XRN2: variants seen among roughly 807,000 people sequenced by gnomAD.
XRN2 encodes the protein 5'-3' exoribonuclease 2, also known as DHM1-like protein.
Under a neutral mutation model 138.5 loss-of-function variants are expected in XRN2, and 44 were observed. The observed-to-expected ratio is 0.32, with a 90% CI of 0.25 to 0.41. The LOEUF (loss-of-function observed/expected upper bound fraction) is 0.41. Among genes scored for constraint, XRN2 ranks in the 10% least tolerant of loss-of-function variants. The probability of loss-of-function intolerance (pLI) is 1.00; values close to 1 mark genes in which losing one functional copy is unlikely to be tolerated. For missense variants in XRN2, 937 were observed against 1,169.3 expected, an observed-to-expected ratio of 0.80 and a Z score of 2.90; for synonymous variants, 354 against 369.4, an observed-to-expected ratio of 0.96 and a Z score of 0.48.
At chr20:21,317,873 T>A (rs2037981855) in intron 1 of XRN2, among the ~76,000 whole-genome samples, 1 of 152,218 alleles carries the variant, frequency 6.6e-6, no homozygotes, top group Non-Finnish European at 1.5e-5. Flanking sequence ...GATTTTTGCA[T>A]CCATGCTCAT....
At chr20:21,330,769 T>A in intron 6 of XRN2, 64 bp downstream of exon 6, 1 of 1,424,008 alleles carries the variant, frequency 7.0e-7, no homozygotes, top group Non-Finnish European at 9.8e-7. Flanking sequence ...TACTTTGATA[T>A]GACTGACATT....
intron 22 of XRN2, among the ~76,000 whole-genome samples, 196 bp from the exon 23 acceptor site, chr20:21,356,390 A>G (rs890682137): frequency 6.6e-6 from 1 of 152,178 alleles, no homozygotes; most frequent in Non-Finnish European, 1.5e-5. Flanking sequence ...TAAATAATGT[A>G]TCAGAATTTC....
chr20:21,382,112 G>A, intron 28 of XRN2, 55 bp downstream of exon 28: 2 of 1,462,068 alleles, frequency 1.4e-6, no homozygotes, highest in South Asian at 1.3e-5. Flanking sequence ...AACATTTGGG[G>A]TTTATGGTTT....
chr20:21,357,099 T>C (rs2038584996), intron 23 of XRN2, among the ~76,000 whole-genome samples: 1 of 151,264 alleles, frequency 6.6e-6, no homozygotes, highest in East Asian at 2.0e-4. Flanking sequence ...TGTAAAAAAA[T>C]AGCTTTTTAT....
intron 24 of XRN2, among the ~76,000 whole-genome samples, chr20:21,360,226 G>A (rs2038621925): frequency 1.3e-5 from 2 of 152,118 alleles, no homozygotes. Flanking sequence ...CACCTTGGCA[G>A]GGCCCTGGCC....
chr20:21,365,565 A>G lies in XRN2; in HGVS notation c.2325-8A>G. ...CTATTACTAAGTGTTGTCTTTTTAA[A>G]TGGTCAGAAAGCCAGCAGCAGTACT... On this transcript the variant is annotated splice_polypyrimidine_tract_variant and splice_region_variant and intron_variant, in intron 25 of 29. Coordinates refer to ENST00000377191, the MANE Select transcript of XRN2 (RefSeq NM_012255.5). 1 of 1,613,422 alleles carries G rather than the reference A, an allele frequency of 6.2e-7. No homozygotes were observed. Among genetic ancestry groups the G allele is most frequent in the Non-Finnish European group, 8.5e-7 (1 of 1,179,852 alleles).
intron 24 of XRN2, among the ~76,000 whole-genome samples, chr20:21,360,697 T>A (rs536625753): frequency 1.1e-3 from 175 of 152,308 alleles, no homozygotes; most frequent in African/African-American, 4.1e-3. Context: ...GGAGATGGAT[T>A]TTTTAAGTAA....
intron 13 of XRN2, among the ~76,000 whole-genome samples, chr20:21,335,591 A>G (rs1332817886): frequency 6.6e-6 from 1 of 152,212 alleles, no homozygotes; most frequent in Non-Finnish European, 1.5e-5. Context: ...AGTTTTTTGC[A>G]TATAGAATTC....
chr20:21,319,791 C>A (rs951692843), intron 1 of XRN2, among the ~76,000 whole-genome samples: 1 of 151,884 alleles, frequency 6.6e-6, no homozygotes, highest in African/African-American at 2.4e-5. Context: ...GTTACTTTAC[C>A]GTCTGTAGCC....
At chr20:21,341,126 A>G (rs2038366998) in intron 15 of XRN2, among the ~76,000 whole-genome samples, 1 of 152,234 alleles carries the variant, frequency 6.6e-6, no homozygotes, top group East Asian at 1.9e-4. Context: ...CCCTGTCTCA[A>G]AAATAAGCTA....
intron 19 of XRN2, 89 bp from the exon 20 acceptor site, chr20:21,349,300 C>T: frequency 1.1e-6 from 1 of 920,386 alleles, no homozygotes; most frequent in Non-Finnish European, 1.8e-6. Flanking sequence ...CTCATCAGAC[C>T]TTATAACTTG....
At chr20:21,315,592 A>G (rs2037947584) in intron 1 of XRN2, among the ~76,000 whole-genome samples, 1 of 152,188 alleles carries the variant, frequency 6.6e-6, no homozygotes, top group African/African-American at 2.4e-5. Flanking sequence ...TCCCAGGGTC[A>G]CGTTATCCTC....
chr20:21,348,932 C>T lies in XRN2; in HGVS notation c.1864-457C>T, dbSNP rs918084766. On this transcript the variant is annotated intron_variant, in intron 19 of 29. Coordinates refer to ENST00000377191, the MANE Select transcript of XRN2 (RefSeq NM_012255.5). ...TGCTGGGATTACAGGCGTGAGCCAC[C>T]GTGCCTGGCCGGGGAAAAATTTTTG... Among the ~76,000 whole-genome samples the T allele has an allele frequency of 4.6e-5, 7 of 152,146 alleles. 1 individual carries two copies. In the South Asian group the frequency reaches 6.2e-4, roughly 14 times the overall value.
chr20:21,352,716 A>G (rs1258089353), intron 20 of XRN2, among the ~76,000 whole-genome samples: 2 of 152,170 alleles, frequency 1.3e-5, no homozygotes, highest in Non-Finnish European at 2.9e-5. Context: ...TTGATGCTGT[A>G]TATTTTATAT....
chr20:21,353,889 C>T lies in XRN2; in HGVS notation c.1937-900C>T, dbSNP rs115348052. On this transcript the variant is annotated intron_variant, in intron 20 of 29. Coordinates refer to ENST00000377191, the MANE Select transcript of XRN2 (RefSeq NM_012255.5). ...ATTAAGCTAAATAAGACTTGGAAAC[C>T]TTTTCATTTCTCATAATTTTAAAGG... 4.5e-3 allele frequency among the ~76,000 whole-genome samples: 682 copies of T among 151,730 alleles called. 4 individuals are homozygous for T. The highest frequency in any genetic ancestry group is 0.015 in the African/African-American group (631 of 41,350).
chr20:21,332,137 G>A, intron 8 of XRN2, 146 bp from the exon 9 acceptor site: 1 of 976,396 alleles, frequency 1.0e-6, no homozygotes, highest in East Asian at 2.6e-5. Flanking sequence ...ACTGGGAAAT[G>A]CCAGGAAGTG....
intron 1 of XRN2, among the ~76,000 whole-genome samples, chr20:21,321,050 CTG>C (rs2038035166): frequency 6.6e-6 from 1 of 151,940 alleles, no homozygotes; most frequent in Non-Finnish European, 1.5e-5. Context: ...GGGTCTCACT[CTG>C]TTGCCCAGGC....
intron 20 of XRN2, among the ~76,000 whole-genome samples, chr20:21,352,610 C>T (rs1476993514): frequency 6.6e-6 from 1 of 152,126 alleles, no homozygotes; most frequent in Admixed American, 6.5e-5. Flanking sequence ...GGATTATAGG[C>T]GTGAGCCACC....
At chr20:21,372,826 C>T (rs1034932488) in intron 27 of XRN2, among the ~76,000 whole-genome samples, 2 of 151,980 alleles carry the variant, frequency 1.3e-5, no homozygotes, top group African/African-American at 2.4e-5. Flanking sequence ...ACCCCCTGCC[C>T]ATTAAAGGGA....
Sources: gnomAD v4.1 joint callset for allele counts (sites outside exome capture counted in the v4.1 genomes callset) on GRCh38, gnomAD v4.1.1 for gene constraint, MANE v1.5 for transcripts, NCBI Gene and HGNC (gene_info 2026-07-23, HGNC 2026-07-21) for gene names.